Variants in METTL15 observed in about 807,000 individuals in gnomAD.
METTL15 encodes methyltransferase 15, mitochondrial 12S rRNA N4-cytidine, also known as 12S rRNA N(4)-cytidine methyltransferase METTL15.
Under a neutral mutation model 38.3 loss-of-function variants are expected in METTL15, and 34 were observed. The ratio of observed to expected loss-of-function variants is 0.89; its 90% confidence interval spans 0.68 to 1.18. The LOEUF (loss-of-function observed/expected upper bound fraction) is 1.18. Ranked by LOEUF, METTL15 falls within the 50% of genes most tolerant of loss-of-function variation. The probability of loss-of-function intolerance (pLI) is 0.00; values close to 1 mark genes in which losing one functional copy is unlikely to be tolerated. For synonymous variants in METTL15, 162 were observed against 170.9 expected, an observed-to-expected ratio of 0.95 and a Z score of 0.41; for missense variants, 438 against 498.4, an observed-to-expected ratio of 0.88 and a Z score of 1.15.
intron 3 of METTL15, chr11:28,124,019 G>A (rs887558041): frequency 1.5e-5 from 8 of 531,482 alleles, no homozygotes; most frequent in African/African-American, 1.2e-4. Flanking sequence ...TATTGACTGT[G>A]CTTTTCATTA....
intron 3 of METTL15, among the ~76,000 whole-genome samples, chr11:28,184,238 G>GT (rs1226130086): frequency 1.3e-5 from 2 of 151,714 alleles, no homozygotes; most frequent in African/African-American, 4.8e-5. Context: ...TTTTTGAAGG[G>GT]TTTTTTGTGT....
In METTL15 at chr11:28,310,961, G is replaced by GT. The variant is rs1555032415; in HGVS notation, c.778+14030_778+14031insT. On this transcript the variant is annotated intron_variant, in intron 6 of 6. Coordinates refer to ENST00000407364, the MANE Select transcript of METTL15 (RefSeq NM_001113528.2). ...TGGTGGTGGTGGTGGTGGTGGTGGT[G>GT]GTGGGTGTGTGTGTGTGTGTGTGTG... is the stretch of plus-strand genomic sequence containing the variant. Among the ~76,000 whole-genome samples the GT allele has an allele frequency of 5.6e-3, 557 of 99,196 alleles. 7 individuals are homozygous for GT. The highest frequency in any genetic ancestry group is 0.023 in the African/African-American group (515 of 22,278). 65.1% of individuals were successfully genotyped at this position (99,196 alleles called of 152,430 possible).
intron 6 of METTL15, among the ~76,000 whole-genome samples, chr11:28,424,995 C>T (rs975691401): frequency 2.0e-5 from 3 of 152,146 alleles, no homozygotes; most frequent in African/African-American, 7.2e-5. Flanking sequence ...TGAGTCTATA[C>T]AGAGCATGGA....
intron 6 of METTL15, among the ~76,000 whole-genome samples, chr11:28,429,350 GCCCTCTCCCTCT>G (rs1169253929): frequency 5.7e-4 from 19 of 33,374 alleles, no homozygotes; most frequent in Middle Eastern, 0.019. Context: ...GTAAACAGTA[GCCCTCTCCCTCT>G]CCCTCTCCCT....
In METTL15 at chr11:28,139,980, G is replaced by A. The variant is rs577800582; in HGVS notation, c.270+26376G>A. ...GAAAGACTCTGTGGAGACCCATGGC[G>A]GGAGTTGGTGGCTGCAGCTCATTCC... On this transcript the variant is annotated intron_variant, in intron 3 of 6. Coordinates refer to ENST00000407364, the MANE Select transcript of METTL15 (RefSeq NM_001113528.2). Among the ~76,000 whole-genome samples, 12 of 152,296 alleles carry A rather than the reference G, an allele frequency of 7.9e-5. 1 individual carries two copies. In the South Asian group the frequency reaches 8.3e-4, roughly 11 times the overall value.
chr11:28,210,143 C>T (rs1474985651), intron 3 of METTL15, among the ~76,000 whole-genome samples: 1 of 151,810 alleles, frequency 6.6e-6, no homozygotes, highest in Non-Finnish European at 1.5e-5. Context: ...TAGAGTGTGG[C>T]CAAATAAAAT....
At chr11:28,164,248 T>G (rs1371543122) in intron 3 of METTL15, 1 of 151,986 alleles carries the variant, frequency 6.6e-6, no homozygotes, top group East Asian at 1.9e-4. Flanking sequence ...AAAACACACA[T>G]TAGGAAGTGA....
downstream of METTL15, among the ~76,000 whole-genome samples, chr11:28,336,432 A>G (rs1849901626): frequency 6.6e-6 from 1 of 152,194 alleles, no homozygotes; most frequent in Non-Finnish European, 1.5e-5. Flanking sequence ...TATTAGATGG[A>G]AGATTGTTGC....
At chr11:28,218,108 G>T (rs1014390184) in intron 4 of METTL15, among the ~76,000 whole-genome samples, 2 of 152,134 alleles carry the variant, frequency 1.3e-5, no homozygotes, top group Non-Finnish European at 2.9e-5. Context: ...GTCATTGGTA[G>T]CTTGATGGGG....
intron 3 of METTL15, among the ~76,000 whole-genome samples, chr11:28,156,684 C>T (rs1358775087): frequency 6.6e-6 from 1 of 152,082 alleles, no homozygotes; most frequent in East Asian, 1.9e-4. Flanking sequence ...ATACAAACTC[C>T]AAAAATTATT....
chr11:28,265,100 G>A (rs2133946761), intron 4 of METTL15, among the ~76,000 whole-genome samples: 1 of 152,188 alleles, frequency 6.6e-6, no homozygotes, highest in Non-Finnish European at 1.5e-5. Flanking sequence ...GGTGTGATAA[G>A]AGTGTGTAAA....
intron 6 of METTL15, among the ~76,000 whole-genome samples, chr11:28,503,577 A>G (rs11030354): frequency 0.45 from 67,997 of 151,090 alleles, 15,816 homozygotes; most frequent in Admixed American, 0.54. Context: ...TGGATCATGA[A>G]GTCAGGAGTT....
chr11:28,226,870 C>G (rs1853500310), intron 4 of METTL15, among the ~76,000 whole-genome samples: 1 of 151,836 alleles, frequency 6.6e-6, no homozygotes, highest in Non-Finnish European at 1.5e-5. Flanking sequence ...GAGGTCAGTT[C>G]TGTCATACAC....
At chr11:28,408,348 AC>A (rs1850693000) in intron 5 of METTL15, among the ~76,000 whole-genome samples, 1 of 152,062 alleles carries the variant, frequency 6.6e-6, no homozygotes, top group Non-Finnish European at 1.5e-5. Context: ...AACAACAACA[AC>A]AACAACAAGA....
intron 5 of METTL15, among the ~76,000 whole-genome samples, chr11:28,379,256 G>C (rs867075851): frequency 1.4e-4 from 21 of 151,526 alleles, no homozygotes; most frequent in South Asian, 2.1e-4. Flanking sequence ...CACTAATTTT[G>C]GGTTCAGTTC....
At chr11:28,401,691 T>C (rs1181028632) in intron 5 of METTL15, among the ~76,000 whole-genome samples, 2 of 151,900 alleles carry the variant, frequency 1.3e-5, no homozygotes, top group African/African-American at 4.8e-5. Flanking sequence ...GGGAAGCACT[T>C]ATTTGGCTTT....
At position 28,211,064 on chromosome 11, in the gene METTL15, T is replaced by G; in HGVS notation, c.273T>G (p.Ile91Met). The change falls in exon 4 of 7, where the codon ATT becomes ATG. Residue 91 changes from isoleucine to methionine, a missense_variant and splice_region_variant. Ile to Met is a conservative substitution (Grantham distance 10). Coordinates refer to ENST00000407364, the MANE Select transcript of METTL15 (RefSeq NM_001113528.2). ...TTTTCTTTTTCTGTGTTTGCTAGAT[T>G]TTTCTAGATATGACATTTGGTTCGG... ...VHCLSPQKGQ[I>M]FLDMTFGSGG... The G allele has an allele frequency of 6.2e-7, 1 of 1,602,080 alleles. No homozygotes were observed. The highest frequency in any genetic ancestry group is 8.5e-7 in the Non-Finnish European group (1 of 1,176,698).
intron 4 of METTL15, among the ~76,000 whole-genome samples, chr11:28,248,941 C>G (rs1439815592): frequency 1.3e-5 from 2 of 151,938 alleles, no homozygotes; most frequent in Non-Finnish European, 2.9e-5. Flanking sequence ...TCAGACTGCT[C>G]TGTCTTCACC....
At chr11:28,504,857 A>G (rs894984404) in intron 6 of METTL15, among the ~76,000 whole-genome samples, 3 of 152,230 alleles carry the variant, frequency 2.0e-5, no homozygotes, top group African/African-American at 7.2e-5. Flanking sequence ...CGTAACATGC[A>G]CTAATTCTTT....
Sources: gnomAD v4.1 joint callset for allele counts (sites outside exome capture counted in the v4.1 genomes callset) on GRCh38, gnomAD v4.1.1 for gene constraint, MANE v1.5 for transcripts, NCBI Gene and HGNC (gene_info 2026-07-23, HGNC 2026-07-21) for gene names.